SH3BGRL2: variants seen among roughly 807,000 people sequenced by gnomAD.
The protein encoded by SH3BGRL2 is SH3 domain-binding glutamic acid-rich-like protein 2.
Under a neutral mutation model 14.8 loss-of-function variants are expected in SH3BGRL2, and 21 were observed. That is an observed-to-expected ratio of 1.42 (90% CI 1.01 to 2.05). The LOEUF is 2.05. Ranked by LOEUF, SH3BGRL2 falls within the 30% of genes most tolerant of loss-of-function variation. SH3BGRL2 has a pLI of 0.00. For synonymous variants in SH3BGRL2, 50 were observed against 47.8 expected (o/e 1.05, Z -0.19); for missense variants, 147 against 130.8 (o/e 1.12, Z -0.61).
chr6:79,666,510 G>T (rs565117024), intron 1 of SH3BGRL2, among the ~76,000 whole-genome samples: 175 of 152,240 alleles, frequency 1.1e-3, no homozygotes, highest in Admixed American at 2.1e-3. Flanking sequence ...ATAAGGCCAA[G>T]GATGGTGTTT....
chr6:79,602,102 GTT>G, the SH3BGRL2 span, among the ~76,000 whole-genome samples: 1 of 152,126 alleles, frequency 6.6e-6, no homozygotes, highest in Non-Finnish European at 1.5e-5. Context: ...TCTAAAATGA[GTT>G]TATCAAAAAG....
the SH3BGRL2 span, among the ~76,000 whole-genome samples, chr6:79,581,242 C>G: frequency 7.9e-5 from 12 of 152,100 alleles, no homozygotes; most frequent in African/African-American, 2.9e-4. Context: ...CCTTCTGAAA[C>G]GATTCCAATC....
intron 1 of SH3BGRL2, among the ~76,000 whole-genome samples, chr6:79,673,178 T>A (rs1421155624): frequency 6.6e-6 from 1 of 152,060 alleles, no homozygotes; most frequent in Non-Finnish European, 1.5e-5. Context: ...GGGGAGTGGT[T>A]ATGGCCCACT....
At chr6:79,550,144 A>G in the SH3BGRL2 span, among the ~76,000 whole-genome samples, 1 of 152,170 alleles carries the variant, frequency 6.6e-6, no homozygotes, top group Non-Finnish European at 1.5e-5. Flanking sequence ...ATAGTTATTA[A>G]CAAAATGTCA....
the SH3BGRL2 span, among the ~76,000 whole-genome samples, chr6:79,621,395 C>G: frequency 6.6e-6 from 1 of 152,174 alleles, no homozygotes; most frequent in Non-Finnish European, 1.5e-5. Flanking sequence ...GGAGAGCTAT[C>G]TAGCCCCTTC....
chr6:79,581,243 G>A, the SH3BGRL2 span, among the ~76,000 whole-genome samples: 1 of 152,006 alleles, frequency 6.6e-6, no homozygotes, highest in African/African-American at 2.4e-5. Context: ...CTTCTGAAAC[G>A]ATTCCAATCA....
the SH3BGRL2 span, among the ~76,000 whole-genome samples, chr6:79,556,816 AAGG>A: frequency 1.3e-5 from 2 of 151,922 alleles, no homozygotes; most frequent in African/African-American, 2.4e-5. Context: ...AATTTATAAT[AAGG>A]AGGGAAAATA....
chr6:79,655,592 C>G (rs1042339616), intron 1 of SH3BGRL2, among the ~76,000 whole-genome samples: 8 of 152,202 alleles, frequency 5.3e-5, no homozygotes, highest in African/African-American at 1.9e-4. Context: ...CCCAAGCCCC[C>G]CACCTTTCTC....
the SH3BGRL2 span, among the ~76,000 whole-genome samples, chr6:79,582,572 T>C: frequency 0.23 from 34,854 of 152,126 alleles, 4,208 homozygotes; most frequent in Middle Eastern, 0.46. Context: ...CTGGAAAAAC[T>C]GACTAGCCAT....
intron 1 of SH3BGRL2, among the ~76,000 whole-genome samples, chr6:79,647,413 C>A (rs1020835982): frequency 6.6e-6 from 1 of 151,682 alleles, no homozygotes; most frequent in African/African-American, 2.4e-5. Context: ...AGAATTGAGT[C>A]TTTAGGGAAT....
chr6:79,693,266 A>G (rs1193141617), intron 2 of SH3BGRL2, among the ~76,000 whole-genome samples: 1 of 152,140 alleles, frequency 6.6e-6, no homozygotes, highest in Non-Finnish European at 1.5e-5. Context: ...GGCTGAGACA[A>G]TGGGGTTTTC....
chr6:79,687,150 C>T (rs1196376746), intron 2 of SH3BGRL2, among the ~76,000 whole-genome samples: 1 of 152,202 alleles, frequency 6.6e-6, no homozygotes, highest in Non-Finnish European at 1.5e-5. Context: ...GATTGCCCTG[C>T]CATAGCCTGC....
At chr6:79,696,814 C>T (rs76063618) in intron 3 of SH3BGRL2, among the ~76,000 whole-genome samples, 4 of 152,028 alleles carry the variant, frequency 2.6e-5, no homozygotes, top group Admixed American at 2.0e-4. Context: ...ATTTATACCC[C>T]ATTCCTCCAA....
At chr6:79,686,931 G>T (rs146901558) in intron 2 of SH3BGRL2, among the ~76,000 whole-genome samples, 2 of 152,256 alleles carry the variant, frequency 1.3e-5, no homozygotes, top group African/African-American at 4.8e-5. Flanking sequence ...TCCCTCCAGG[G>T]TGAACTTCCT....
chr6:79,631,641 A>G, intron 1 of SH3BGRL2, 135 bp downstream of exon 1: 1 of 587,856 alleles, frequency 1.7e-6, no homozygotes. Flanking sequence ...CAGGTGATCC[A>G]TCACACTCCG....
At chr6:79,608,670 A>G in the SH3BGRL2 span, among the ~76,000 whole-genome samples, 1 of 152,330 alleles carries the variant, frequency 6.6e-6, no homozygotes, top group Admixed American at 6.5e-5. Flanking sequence ...TTCAGAGGCA[A>G]AAGTGACAAA....
chr6:79,676,609 G>C (rs9717919), intron 2 of SH3BGRL2, among the ~76,000 whole-genome samples: 4 of 92,588 alleles, frequency 4.3e-5, no homozygotes, highest in African/African-American at 1.7e-4. Context: ...TTATGTATGT[G>C]TGTGTGTGTG....
chr6:79,597,829 C>T, the SH3BGRL2 span, among the ~76,000 whole-genome samples: 1 of 152,118 alleles, frequency 6.6e-6, no homozygotes, highest in East Asian at 1.9e-4. Context: ...AGACAACCCA[C>T]CAAATGGCAG....
rs144866267 is a variant in SH3BGRL2, at chr6:79,677,362, G to A, written c.231+3563G>A. Among the ~76,000 whole-genome samples, 6 of 152,320 alleles carry A rather than the reference G, an allele frequency of 3.9e-5. 1 individual carries two copies. The East Asian group carries it at 1.2e-3, about 29-fold the overall frequency. The stretch of plus-strand genomic sequence containing the variant: ...GCTAAGCTACTTGGTAACCAGTGTG[G>A]ACAATTGCCTTCTCTCTCATTTAGC... On this transcript the variant is annotated intron_variant, in intron 2 of 3. Coordinates refer to ENST00000369838, the MANE Select transcript of SH3BGRL2 (RefSeq NM_031469.4).
Sources: gnomAD v4.1 joint callset for allele counts (sites outside exome capture counted in the v4.1 genomes callset) on GRCh38, gnomAD v4.1.1 for gene constraint, MANE v1.5 for transcripts, NCBI Gene and HGNC (gene_info 2026-07-23, HGNC 2026-07-21) for gene names.